Variants in CYP4F11 observed in about 807,000 individuals in gnomAD.
The protein encoded by CYP4F11 is cytochrome P450 family 4 subfamily F member 11.
CYP4F11 carries 79 observed loss-of-function variants against 62.2 expected under a neutral mutation model. The observed-to-expected ratio is 1.27, with a 90% CI of 1.06 to 1.53. CYP4F11 has a LOEUF of 1.53. Ranked by LOEUF, CYP4F11 falls within the 40% of genes most tolerant of loss-of-function variation. The pLI, the probability that CYP4F11 is intolerant of heterozygous loss-of-function variation, is 0.00. For missense variants in CYP4F11, 777 were observed against 680.5 expected (o/e 1.14, Z -1.58); for synonymous variants, 290 against 263.7 (o/e 1.10, Z -0.97).
chr19:15,934,272 C>A lies in CYP4F11; in HGVS notation c.137G>T (p.Arg46Leu). The change falls in exon 1 of 12, where the codon CGC becomes CTC. Residue 46 changes from arginine (R) to leucine (L), a missense_variant. Physicochemically the swap from Arg to Leu is moderately radical, Grantham distance 102. Transcript: ENST00000402119. ...AWTYTFYDNC[R>L]RLQCFPQPPK... ...GGGTTGAGGAAAACACTGGAGGCGGCGGCAGTTGTCATAGAAGGTGTAGGT... is the reference window on the plus strand; with the variant it reads ...GGGTTGAGGAAAACACTGGAGGCGGAGGCAGTTGTCATAGAAGGTGTAGGT... 1.2e-6 allele frequency: 2 copies of A among 1,613,788 alleles called. No homozygotes were observed. Among genetic ancestry groups the A allele is most frequent in the East Asian group, 2.2e-5 (1 of 44,864 alleles).
intron 8 of CYP4F11, among the ~76,000 whole-genome samples, chr19:15,917,481 C>G (rs1226870312): frequency 6.6e-6 from 1 of 151,908 alleles, no homozygotes; most frequent in Non-Finnish European, 1.5e-5. Flanking sequence ...GGCAAAGCTG[C>G]AAGAACAGAA....
Position 15,927,541 on chromosome 19 carries a change from T to A in CYP4F11, c.344-58A>T, listed in dbSNP as rs376031168. On this transcript the variant is annotated intron_variant, in intron 2 of 11. Transcript: ENST00000402119. Reference sequence around the variant, plus strand: ...AGAGGGGTGAGAGAAGGACTTTGGGTATGGAGGAATGCTCCCAGCCAGGGG... The same window carrying A: ...AGAGGGGTGAGAGAAGGACTTTGGGAATGGAGGAATGCTCCCAGCCAGGGG... 108 of 1,607,194 alleles carry A rather than the reference T, an allele frequency of 6.7e-5. No individual in the cohort carries two copies. The African/African-American group carries it at 1.2e-3, about 17-fold the overall frequency.
At position 15,914,843 on chromosome 19, in the gene CYP4F11, G is replaced by A. The variant is rs374763718; in HGVS notation, c.1168C>T (p.Arg390Trp). ...ATGACCGGGACTGGGGGATGCAACC[G>A]CAGGCTCTCCTTAATGCACATGGTC... ...FLTMCIKESL[R>W]LHPPVPVISR... is the part of the protein sequence containing the mutation. The change falls in exon 9 of 12, where the codon CGG (arginine) becomes TGG (tryptophan). Residue 390 changes from arginine (R) to tryptophan (W), a missense_variant. Transcript: ENST00000402119. 3.3e-5 allele frequency: 53 copies of A among 1,613,996 alleles called. No individual in the cohort carries two copies. Among genetic ancestry groups the A allele is most frequent in the Middle Eastern group, 1.6e-4 (1 of 6,084 alleles).
At chr19:15,922,561 T>A (rs2089637275) in intron 6 of CYP4F11, 131 bp from the exon 7 acceptor site, 3 of 909,938 alleles carry the variant, frequency 3.3e-6, no homozygotes, top group Non-Finnish European at 5.3e-6. Context: ...CACTCCTAGA[T>A]GTCTCTTGGT....
chr19:15,931,296 A>C (rs1001338725), intron 1 of CYP4F11, among the ~76,000 whole-genome samples: 1 of 151,826 alleles, frequency 6.6e-6, no homozygotes, highest in Non-Finnish European at 1.5e-5. Context: ...ATGGGCAGAC[A>C]CAAGCAAATG....
At chr19:15,925,228 G>C (rs2089659863) in intron 4 of CYP4F11, among the ~76,000 whole-genome samples, 1 of 152,108 alleles carries the variant, frequency 6.6e-6, no homozygotes, top group African/African-American at 2.4e-5. Context: ...CAGAATCACT[G>C]CTCCACCACT....
At position 15,914,584 on chromosome 19, in the gene CYP4F11, G is replaced by A. The variant is rs758775451; in HGVS notation, c.1314+18C>T. On this transcript the variant is annotated intron_variant, in intron 10 of 11. Coordinates refer to ENST00000402119, the MANE Select transcript of CYP4F11 (RefSeq NM_021187.4). The stretch of plus-strand genomic sequence containing the variant: ...CTTGGAATGGACTCCAAAAAGGGTG[G>A]GGTGAGGGAGGCACTACCTCAGGGT... 3.7e-6 allele frequency: 6 copies of A among 1,613,924 alleles called. No homozygotes were observed. In the East Asian group the frequency reaches 8.9e-5, roughly 24 times the overall value.
In CYP4F11 at chr19:15,929,731, A is replaced by T. The variant is rs916311960; in HGVS notation, c.199-130T>A. On this transcript the variant is annotated intron_variant, in intron 1 of 11. Coordinates refer to ENST00000402119, the MANE Select transcript of CYP4F11 (RefSeq NM_021187.4). ...CATGCTGGTAAAACATTATTTCTGGATGTGTCCATCGGTGTATTTCCAGAA... is the reference window on the plus strand; with the variant it reads ...CATGCTGGTAAAACATTATTTCTGGTTGTGTCCATCGGTGTATTTCCAGAA... 87 of 1,065,158 alleles carry T rather than the reference A, an allele frequency of 8.2e-5. 1 individual carries two copies. The Middle Eastern group carries it at 3.7e-3, about 45-fold the overall frequency. The allele number at this position is 1,065,158 out of a possible 1,614,324, so 66.0% of individuals were successfully genotyped here.
At chr19:15,917,017 C>G (rs1408148512) in intron 8 of CYP4F11, among the ~76,000 whole-genome samples, 4 of 152,122 alleles carry the variant, frequency 2.6e-5, no homozygotes, top group Admixed American at 6.5e-5. Flanking sequence ...GATATGGAAC[C>G]AATCTAAGTG....
At position 15,922,122 on chromosome 19, in the gene CYP4F11, G is replaced by T; in HGVS notation, c.1030C>A (p.Leu344Ile). 6.2e-7 allele frequency: 1 copy of T among 1,614,096 alleles called. No homozygotes were observed. The highest frequency in any genetic ancestry group is 8.5e-7 in the Non-Finnish European group (1 of 1,179,998). The change falls in exon 8 of 12, where the codon CTT becomes ATT. Residue 344 changes from leucine (L) to isoleucine (I), a missense_variant. Transcript: ENST00000402119. ...TCCTGGTATTCTGGGTGCTTTGCAA[G>T]GTGGTATAGGACCCAGGAGAGACCA... ...ASGLSWVLYH[L>I]AKHPEYQEQC...
At chr19:15,918,003 A>T (rs2089595740) in intron 8 of CYP4F11, among the ~76,000 whole-genome samples, 1 of 152,174 alleles carries the variant, frequency 6.6e-6, no homozygotes. Context: ...TCATTGCAGC[A>T]CTATTCAGAA....
At chr19:15,930,447 C>T (rs1317993883) in intron 1 of CYP4F11, among the ~76,000 whole-genome samples, 1 of 152,072 alleles carries the variant, frequency 6.6e-6, no homozygotes, top group Non-Finnish European at 1.5e-5. Context: ...CAAAAATTAG[C>T]CAGGCATGGT....
intron 1 of CYP4F11, 34 bp from the exon 2 acceptor site, chr19:15,929,635 A>G (rs755012203): frequency 1.3e-6 from 2 of 1,552,730 alleles, no homozygotes; most frequent in East Asian, 4.5e-5. Context: ...AGCCCTTGTG[A>G]TGGTTAATTC....
At chr19:15,914,986 A>G in intron 8 of CYP4F11, 91 bp from the exon 9 acceptor site, 1 of 1,531,906 alleles carries the variant, frequency 6.5e-7, no homozygotes, top group Non-Finnish European at 8.8e-7. Context: ...TTTTCTCCCT[A>G]TCACAAAATA....
chr19:15,931,457 G>T (rs574782641), intron 1 of CYP4F11, among the ~76,000 whole-genome samples: 19 of 151,838 alleles, frequency 1.3e-4, no homozygotes, highest in Admixed American at 3.9e-4. Context: ...GGGAAGACAG[G>T]CAGGAAAAAG....
rs546644781 is a variant in CYP4F11, at chr19:15,924,036, C to T, written c.694G>A (p.Val232Ile). 6.2e-7 allele frequency: 1 copy of T among 1,614,158 alleles called. No individual in the cohort carries two copies. Among genetic ancestry groups the T allele is most frequent in the Admixed American group, 1.7e-5 (1 of 60,020 alleles). The change falls in exon 6 of 12, where the codon GTA (valine) becomes ATA (isoleucine). Residue 232 changes from valine (V) to isoleucine (I), a missense_variant. Transcript: ENST00000402119. ...IAAILELSAFVEKRNQQILLH... is the reference protein window; with the variant it reads ...IAAILELSAFIEKRNQQILLH... Reference sequence around the variant, plus strand: ...AGAATCTGCTGGTTTCTCTTTTCTACAAAGGCACTGAGCTCCAAGATGGCG... The same window carrying T: ...AGAATCTGCTGGTTTCTCTTTTCTATAAAGGCACTGAGCTCCAAGATGGCG...
In CYP4F11 at chr19:15,931,584, GGAGAGGAATGAGTGAGTGA is replaced by G. The variant is rs1568257417; in HGVS notation, c.199-2002_199-1984del. On this transcript the variant is annotated intron_variant, in intron 1 of 11. Transcript: ENST00000402119. ...AGCGAGGAGAGGAATGAGTGAGCGAGGAGAGGAATGAGTGAGTGAGGAGAGGAATGAGTGAGCGAGGAGA... is the reference window on the plus strand; with the variant it reads ...AGCGAGGAGAGGAATGAGTGAGCGAGGGAGAGGAATGAGTGAGCGAGGAGA... Among the ~76,000 whole-genome samples, 308 of 122,026 alleles carry G rather than the reference GGAGAGGAATGAGTGAGTGA, an allele frequency of 2.5e-3. 13 individuals are homozygous for G. The highest frequency in any genetic ancestry group is 3.7e-3 in the Non-Finnish European group (211 of 56,782). The allele number at this position is 122,026 out of a possible 152,430, so 80.1% of individuals were successfully genotyped here.
chr19:15,931,585 G>GAGGAATGAGTGAGCGAGC (rs2089721735), intron 1 of CYP4F11, among the ~76,000 whole-genome samples: 1 of 106,434 alleles, frequency 9.4e-6, no homozygotes, highest in Non-Finnish European at 2.0e-5. Context: ...AGTGAGCGAG[G>GAGGAATGAGTGAGCGAGC]AGAGGAATGA....
chr19:15,927,863 G>T, intron 2 of CYP4F11: 1 of 219,564 alleles, frequency 4.6e-6, no homozygotes, highest in East Asian at 1.0e-4. Flanking sequence ...ATATTGCCCC[G>T]ACAGTTGTTA....
Sources: allele counts gnomAD v4.1 joint callset (sites outside exome capture counted in the v4.1 genomes callset), GRCh38; gene constraint gnomAD v4.1.1; transcripts MANE v1.5; gene names NCBI Gene and HGNC (gene_info 2026-07-23, HGNC 2026-07-21).